The following GJC3 variants were observed in gnomAD, a reference collection of about 807,000 sequenced individuals.
The protein encoded by GJC3 is gap junction protein gamma 3.
In GJC3, 17 loss-of-function variants were observed where a neutral mutation model predicts 19.8. That is an observed-to-expected ratio of 0.86 (90% CI 0.59 to 1.29). The LOEUF is 1.29. Among genes scored for constraint, GJC3 ranks in the 50% most tolerant of loss-of-function variants. The pLI is 0.00. For synonymous variants in GJC3, 140 were observed against 136.5 expected (o/e 1.03, Z -0.18); for missense variants, 317 against 332.5 (o/e 0.95, Z 0.36).
chr7:99,925,693 C>CA (rs970227979), intron 1 of GJC3, among the ~76,000 whole-genome samples: 25 of 152,076 alleles, frequency 1.6e-4, no homozygotes, highest in African/African-American at 5.1e-4. Flanking sequence ...AACAAAAATA[C>CA]AAAAAACTCT....
At chr7:99,925,561 AC>A (rs997581492) in intron 1 of GJC3, among the ~76,000 whole-genome samples, 2 of 152,212 alleles carry the variant, frequency 1.3e-5, no homozygotes, top group Non-Finnish European at 2.9e-5. Flanking sequence ...AAAATTTAAA[AC>A]TTTTGTGCAT....
Position 99,929,116 on chromosome 7 carries a change from A to G in GJC3, c.505T>C (p.Cys169Arg), listed in dbSNP as rs1025202730. 5.0e-6 allele frequency: 8 copies of G among 1,613,812 alleles called. No individual in the cohort carries two copies. In the African/African-American group the frequency reaches 9.3e-5, roughly 19 times the overall value. The change falls in exon 1 of 2, where the codon TGT becomes CGT. Residue 169 changes from cysteine (C) to arginine (R), a missense_variant. Transcript: ENST00000312891. The part of the protein sequence containing the change: ...YGFQMPSSFA[C>R]RREPCLGSIT... ...CTACCAAGGCAAGGTTCTCGGCGAC[A>G]TGCAAAGGAGCTGGGCATCTGGAAC...
rs745715740 is a variant in GJC3, at chr7:99,929,603, C to A, written c.18G>T (p.Leu6=). 1.9e-6 allele frequency: 3 copies of A among 1,608,260 alleles called. No individual in the cohort carries two copies. In the South Asian group the frequency reaches 3.3e-5, roughly 18 times the overall value. Residue 6 remains leucine, a synonymous_variant, in exon 1 of 2, where the codon CTG becomes CTT. Transcript: ENST00000312891. Reference sequence around the variant, plus strand: ...GGCTCTCCTCCGCCAGCAGCCGCCGCAGGAACCTGCCACACATCCTGTTTT... The same window carrying A: ...GGCTCTCCTCCGCCAGCAGCCGCCGAAGGAACCTGCCACACATCCTGTTTT... The part of the protein sequence containing the change: MCGRF[L]RRLLAEESRR...
chr7:99,923,338 G>C lies in GJC3; in HGVS notation c.*207C>G. 1 of 605,976 alleles carries C rather than the reference G, an allele frequency of 1.7e-6. No individual in the cohort carries two copies. The highest frequency in any genetic ancestry group is 1.9e-5 in the South Asian group (1 of 52,002). The allele number at this position is 605,976 out of a possible 1,614,324, so 37.5% of individuals were successfully genotyped here. On this transcript the variant is annotated 3_prime_UTR_variant, in exon 2 of 2. Transcript: ENST00000312891. ...ACTGGGAATAATTCCCCAAAGCAAT[G>C]CCTCCCTGAGCAATGGTGCAAACAT...
At chr7:99,924,193 G>A (rs1399040248) in intron 1 of GJC3, among the ~76,000 whole-genome samples, 2 of 152,150 alleles carry the variant, frequency 1.3e-5, no homozygotes, top group Non-Finnish European at 2.9e-5. Flanking sequence ...TTGATCACCC[G>A]GCTGAGGTAG....
At chr7:99,927,922 A>T (rs1248431588) in intron 1 of GJC3, among the ~76,000 whole-genome samples, 1 of 152,250 alleles carries the variant, frequency 6.6e-6, no homozygotes, top group African/African-American at 2.4e-5. Flanking sequence ...AAGAATGAGA[A>T]TTGAGCAGAA....
intron 1 of GJC3, among the ~76,000 whole-genome samples, chr7:99,924,719 T>C (rs1819756968): frequency 1.3e-5 from 2 of 152,270 alleles, no homozygotes. Flanking sequence ...TTTTATACTT[T>C]GGGTATAATC....
intron 1 of GJC3, among the ~76,000 whole-genome samples, chr7:99,925,324 G>A (rs1819772030): frequency 2.6e-5 from 4 of 152,062 alleles, no homozygotes. Flanking sequence ...ATAGTGCTGA[G>A]ACAATTGAAT....
chr7:99,928,537 T>C (rs1278270087), intron 1 of GJC3, among the ~76,000 whole-genome samples: 3 of 152,144 alleles, frequency 2.0e-5, no homozygotes, highest in Admixed American at 2.0e-4. Context: ...GAAGCTGAGA[T>C]TTTTCCTAAG....
chr7:99,927,350 G>C (rs1469075185), intron 1 of GJC3, among the ~76,000 whole-genome samples: 1 of 152,194 alleles, frequency 6.6e-6, no homozygotes, highest in Non-Finnish European at 1.5e-5. Context: ...TCTCAATAAA[G>C]CTGTTTTAAA....
In GJC3 at chr7:99,929,279, G is replaced by A; in HGVS notation, c.342C>T (p.Thr114=). 3 of 1,614,156 alleles carry A rather than the reference G, an allele frequency of 1.9e-6. No individual in the cohort carries two copies. Among genetic ancestry groups the A allele is most frequent in the Non-Finnish European group, 2.5e-6 (3 of 1,180,040 alleles). The change falls in exon 1 of 2, where the codon ACC becomes ACT. Residue 114 remains threonine (T), a synonymous_variant. Coordinates refer to ENST00000312891, the MANE Select transcript of GJC3 (RefSeq NM_181538.3). The part of the protein sequence containing the change: ...ELSGKGKEEE[T]LIQGREGNTD... ...TGTTGCCCTCCCGTCCCTGGATCAG[G>A]GTCTCCTCCTCCTTCCCCTTTCCTG...
chr7:99,926,905 C>A (rs1399719173), intron 1 of GJC3, among the ~76,000 whole-genome samples: 1 of 152,106 alleles, frequency 6.6e-6, no homozygotes, highest in African/African-American at 2.4e-5. Flanking sequence ...AACAAAAGAA[C>A]GAAAGCAGGG....
chr7:99,929,547 A>G lies in GJC3; in HGVS notation c.74T>C (p.Leu25Pro), dbSNP rs1819865486. 6.2e-7 allele frequency: 1 copy of G among 1,613,510 alleles called. No individual in the cohort carries two copies. Among genetic ancestry groups the G allele is most frequent in the South Asian group, 1.1e-5 (1 of 91,082 alleles). Residue 25 changes from leucine (L) to proline (P), a missense_variant, in exon 1 of 2, where the codon CTT (leucine) becomes CCT (proline). Physicochemically the swap from Leu to Pro is moderately conservative, Grantham distance 98. Coordinates refer to ENST00000312891, the MANE Select transcript of GJC3 (RefSeq NM_181538.3). ...AAGGCGGAATCCCAGGAGCACGGGA[A>G]GCAAGAGGCGCCCCACGGGGGTGGA... is the stretch of plus-strand genomic sequence containing the variant. ...RRSTPVGRLL[L>P]PVLLGFRLVL...
chr7:99,924,619 C>T (rs912083768), intron 1 of GJC3, among the ~76,000 whole-genome samples: 3 of 152,258 alleles, frequency 2.0e-5, no homozygotes, highest in Admixed American at 1.3e-4. Flanking sequence ...CCCCTCCTTG[C>T]GGTGGAGTAT....
chr7:99,923,957 T>C (rs915678081), intron 1 of GJC3, among the ~76,000 whole-genome samples: 1 of 152,140 alleles, frequency 6.6e-6, no homozygotes, highest in Admixed American at 6.5e-5. Flanking sequence ...TCAACTCACG[T>C]TGGGAAAAAA....
Position 99,923,598 on chromosome 7 carries a change from C to G in GJC3, c.787G>C (p.Gly263Arg), listed in dbSNP as rs1162992434. The stretch of plus-strand genomic sequence containing the variant: ...TGTTTTTCCTGGGCTAAGCTTCTTC[C>G]TGGAACTTTTTAAAACAAAAATTCA... ...TKEQFQEAVPGRSLAQEKQRP... is the reference protein window; with the variant it reads ...TKEQFQEAVPRRSLAQEKQRP... Residue 263 changes from glycine (G) to arginine (R), a missense_variant, in exon 2 of 2, where the codon GGA becomes CGA. By Grantham distance (125) the Gly-to-Arg change is moderately radical. Coordinates refer to ENST00000312891, the MANE Select transcript of GJC3 (RefSeq NM_181538.3). The G allele has an allele frequency of 1.3e-6, 1 of 781,016 alleles. No individual in the cohort carries two copies. The highest frequency in any genetic ancestry group is 1.7e-5 in the African/African-American group (1 of 59,240). 48.4% of individuals were successfully genotyped at this position (781,016 alleles called of 1,614,324 possible).
upstream of GJC3, among the ~76,000 whole-genome samples, chr7:99,930,318 G>A (rs1232604784): frequency 2.0e-5 from 3 of 152,200 alleles, no homozygotes; most frequent in African/African-American, 7.2e-5. Flanking sequence ...CATTTGGAAG[G>A]TAACCCAGCA....
upstream of GJC3, among the ~76,000 whole-genome samples, chr7:99,930,708 C>G (rs995325235): frequency 7.2e-5 from 11 of 152,160 alleles, no homozygotes; most frequent in Admixed American, 2.0e-4. Flanking sequence ...CAGTAGTCCC[C>G]CCTCTTATCT....
chr7:99,929,574 C>A lies in GJC3; in HGVS notation c.47G>T (p.Arg16Leu). The A allele has an allele frequency of 6.2e-7, 1 of 1,611,360 alleles. No individual in the cohort carries two copies. Among genetic ancestry groups the A allele is most frequent in the Non-Finnish European group, 8.5e-7 (1 of 1,179,700 alleles). The change falls in exon 1 of 2, where the codon CGC becomes CTC. Residue 16 changes from arginine to leucine, a missense_variant. Arg to Leu is a moderately radical substitution (Grantham distance 102). Transcript: ENST00000312891. ...LRRLLAEESR[R>L]STPVGRLLLP... ...CAAGAGGCGCCCCACGGGGGTGGAG[C>A]GCCGGCTCTCCTCCGCCAGCAGCCG...
Sources: gnomAD v4.1 joint callset for allele counts (sites outside exome capture counted in the v4.1 genomes callset) on GRCh38, gnomAD v4.1.1 for gene constraint, MANE v1.5 for transcripts, NCBI Gene and HGNC (gene_info 2026-07-23, HGNC 2026-07-21) for gene names.